ABHD6: variants seen among roughly 807,000 people sequenced by gnomAD.
The protein encoded by ABHD6 is abhydrolase domain containing 6, acylglycerol lipase.
In ABHD6, 33 loss-of-function variants were observed where a neutral mutation model predicts 38.8. The observed-to-expected ratio is 0.85, with a 90% CI of 0.64 to 1.14. The LOEUF (loss-of-function observed/expected upper bound fraction) is 1.14. Among genes scored for constraint, ABHD6 ranks in the 50% most tolerant of loss-of-function variants. The pLI is 0.00. For missense variants in ABHD6, 380 were observed against 422.6 expected, an observed-to-expected ratio of 0.90 and a Z score of 0.88; for synonymous variants, 147 against 161.6, an observed-to-expected ratio of 0.91 and a Z score of 0.69.
intron 3 of ABHD6, among the ~76,000 whole-genome samples, chr3:58,262,266 C>G (rs2107444230): frequency 6.6e-6 from 1 of 152,256 alleles, no homozygotes; most frequent in East Asian, 1.9e-4. Context: ...GGTAGTTTTA[C>G]AATGTTGTGT....
At chr3:58,268,264 C>A (rs937109888) in intron 4 of ABHD6, among the ~76,000 whole-genome samples, 11 of 152,160 alleles carry the variant, frequency 7.2e-5, no homozygotes, top group African/African-American at 2.7e-4. Context: ...TTTGAAAAGT[C>A]ATTTTTTTTG....
intron 1 of ABHD6, among the ~76,000 whole-genome samples, chr3:58,248,702 G>GA (rs1204657079): frequency 2.0e-5 from 3 of 150,484 alleles, no homozygotes; most frequent in Admixed American, 6.6e-5. Flanking sequence ...CTATCTCAAA[G>GA]AAAAAAAAAG....
At position 58,265,351 on chromosome 3, in the gene ABHD6, A is replaced by G. The variant is rs2097440218; in HGVS notation, c.120-1838A>G. On this transcript the variant is annotated intron_variant, in intron 3 of 9. Coordinates refer to ENST00000478253, the MANE Select transcript of ABHD6 (RefSeq NM_001320126.2). The surrounding 1 kb of genome is among the most constrained non-coding windows in gnomAD (Gnocchi z 4.2). ...GAATTAGGGTTTTAGCATGGTTGAG[A>G]TCAATTTGTAAGCTTTTTATTTATT... Among the ~76,000 whole-genome samples the G allele has an allele frequency of 6.6e-6, 1 of 152,146 alleles. No homozygotes were observed. Among genetic ancestry groups the G allele is most frequent in the African/African-American group, 2.4e-5 (1 of 41,418 alleles).
chr3:58,248,528 G>A lies in ABHD6; in HGVS notation c.-90-1350G>A, dbSNP rs564810758. Among the ~76,000 whole-genome samples, 15 of 152,126 alleles carry A rather than the reference G, an allele frequency of 9.9e-5. No individual in the cohort carries two copies. In the East Asian group the frequency reaches 1.7e-3, roughly 18 times the overall value. On this transcript the variant is annotated intron_variant, in intron 1 of 9. Transcript: ENST00000478253. ...AGCCTGACCAACATGGAGAAACCCC[G>A]TCTCTACTAAAAATACAAAATTAGC... is the stretch of plus-strand genomic sequence containing the variant.
chr3:58,284,551 A>G (rs1479148279), intron 7 of ABHD6, among the ~76,000 whole-genome samples: 2 of 151,790 alleles, frequency 1.3e-5, no homozygotes, highest in African/African-American at 2.4e-5. Context: ...CCTGGGTTCA[A>G]GTGATTCTCC....
intron 7 of ABHD6, among the ~76,000 whole-genome samples, chr3:58,276,436 A>G (rs1181711921): frequency 6.6e-6 from 1 of 151,846 alleles, no homozygotes; most frequent in Non-Finnish European, 1.5e-5. Flanking sequence ...GTCTGTTCAT[A>G]TCCTTTGCCC....
chr3:58,256,106 C>T lies in ABHD6; in HGVS notation c.-25-456C>T, dbSNP rs1245777518. Reference sequence around the variant, plus strand: ...ACACACACACACACACACACACACACACATACACACACTACTTTTTCTCTC... The same window carrying T: ...ACACACACACACACACACACACACATACATACACACACTACTTTTTCTCTC... On this transcript the variant is annotated intron_variant, in intron 2 of 9. Coordinates refer to ENST00000478253, the MANE Select transcript of ABHD6 (RefSeq NM_001320126.2). This position sits in a 1 kb window ranked among gnomAD's most constrained non-coding sequence, Gnocchi z 4.3. Among the ~76,000 whole-genome samples the T allele has an allele frequency of 1.0e-4, 6 of 60,168 alleles. No individual in the cohort carries two copies. The highest frequency in any genetic ancestry group is 7.4e-4 in the Admixed American group (5 of 6,752). 39.5% of individuals were successfully genotyped at this position (60,168 alleles called of 152,430 possible).
In ABHD6 at chr3:58,273,894, G is replaced by GA. The variant is rs970579744; in HGVS notation, c.524-755dup. On this transcript the variant is annotated intron_variant, in intron 6 of 9. Transcript: ENST00000478253. The surrounding 1 kb of genome is among the most constrained non-coding windows in gnomAD (Gnocchi z 4.8). ...TATCCCAGAACTTAAAGTAAAAAAA[G>GA]AAAAAAAAATCTAATTATTTGGCTA... Among the ~76,000 whole-genome samples, 11 of 150,950 alleles carry GA rather than the reference G, an allele frequency of 7.3e-5. No individual in the cohort carries two copies. Among genetic ancestry groups the GA allele is most frequent in the East Asian group, 3.9e-4 (2 of 5,180 alleles).
At chr3:58,270,638 G>C (rs1436173149) in intron 5 of ABHD6, among the ~76,000 whole-genome samples, 1 of 152,038 alleles carries the variant, frequency 6.6e-6, no homozygotes, top group East Asian at 1.9e-4. Flanking sequence ...CTGCAGCCTG[G>C]GTGACAGAGT....
At chr3:58,283,322 A>G (rs1007562336) in intron 7 of ABHD6, among the ~76,000 whole-genome samples, 1 of 152,208 alleles carries the variant, frequency 6.6e-6, no homozygotes, top group Non-Finnish European at 1.5e-5. Context: ...TGAAAACACC[A>G]AGAGAAAAAT....
At chr3:58,286,942 T>C (rs1015552570) in intron 9 of ABHD6, among the ~76,000 whole-genome samples, 2 of 149,168 alleles carry the variant, frequency 1.3e-5, no homozygotes, top group Non-Finnish European at 3.0e-5. Flanking sequence ...CCTTCTATTC[T>C]TAAAAAAATT....
intron 2 of ABHD6, among the ~76,000 whole-genome samples, chr3:58,254,964 C>A (rs899696883): frequency 6.6e-6 from 1 of 151,972 alleles, no homozygotes; most frequent in Non-Finnish European, 1.5e-5. Flanking sequence ...GTGATCCTTC[C>A]ACCTCTGCCT....
intron 3 of ABHD6, among the ~76,000 whole-genome samples, chr3:58,261,750 T>G (rs2097437131): frequency 6.6e-6 from 1 of 152,130 alleles, no homozygotes; most frequent in Non-Finnish European, 1.5e-5. Context: ...TGCACTGCTG[T>G]TGGGAATGTA....
chr3:58,254,518 TG>T (rs2097431950), intron 2 of ABHD6, among the ~76,000 whole-genome samples: 1 of 152,234 alleles, frequency 6.6e-6, no homozygotes, highest in African/African-American at 2.4e-5. Context: ...GAGGTTATAC[TG>T]TGCTGCATTG....
chr3:58,292,221 G>C (rs113168397), intron 9 of ABHD6, among the ~76,000 whole-genome samples: 2 of 152,266 alleles, frequency 1.3e-5, no homozygotes, highest in East Asian at 1.9e-4. Context: ...CTGAGGCATC[G>C]TCTTACCTTA....
rs1209324022 is a variant in ABHD6, at chr3:58,293,101, C to T, written c.838-488C>T. On this transcript the variant is annotated intron_variant, in intron 9 of 9. Coordinates refer to ENST00000478253, the MANE Select transcript of ABHD6 (RefSeq NM_001320126.2). This position sits in a 1 kb window ranked among gnomAD's most constrained non-coding sequence, Gnocchi z 4.4. The stretch of plus-strand genomic sequence containing the variant: ...GCGCCCTCCTCTCTGCCCCTTCTCC[C>T]CACCATGCCACCCCCACTGCCCATG... Among the ~76,000 whole-genome samples the T allele has an allele frequency of 6.6e-6, 1 of 152,094 alleles. No homozygotes were observed. Among genetic ancestry groups the T allele is most frequent in the Non-Finnish European group, 1.5e-5 (1 of 68,014 alleles).
At position 58,269,382 on chromosome 3, in the gene ABHD6, G is replaced by A. The variant is rs200333190; in HGVS notation, c.338G>A (p.Arg113His). The change falls in exon 5 of 10, where the codon CGC becomes CAC. Residue 113 changes from arginine (R) to histidine (H), a missense_variant. Physicochemically the swap from Arg to His is conservative, Grantham distance 29. Transcript: ENST00000478253. The surrounding 1 kb of genome is among the most constrained non-coding windows in gnomAD (Gnocchi z 4.4). ...VDMPGHEGTT[R>H]SSLDDLSIDG... is the part of the protein sequence containing the mutation. ...ATGCCAGGACATGAGGGCACCACCC[G>A]CTCCTCCCTGGATGACCTGTCCATA... The A allele has an allele frequency of 5.6e-6, 9 of 1,613,814 alleles. No homozygotes were observed. The highest frequency in any genetic ancestry group is 1.3e-5 in the African/African-American group (1 of 74,914).
chr3:58,281,426 T>A (rs1460282220), intron 7 of ABHD6, among the ~76,000 whole-genome samples: 1 of 152,148 alleles, frequency 6.6e-6, no homozygotes, highest in Admixed American at 6.5e-5. Flanking sequence ...AATCTTCTTG[T>A]CTGCCAGTTG....
chr3:58,284,732 T>G (rs2097455724), intron 7 of ABHD6, among the ~76,000 whole-genome samples: 1 of 152,182 alleles, frequency 6.6e-6, no homozygotes, highest in Admixed American at 6.5e-5. Flanking sequence ...ATTACAGGCA[T>G]GAGCCACCAT....
Sources: allele counts gnomAD v4.1 joint callset (sites outside exome capture counted in the v4.1 genomes callset), GRCh38; gene constraint gnomAD v4.1.1; non-coding constraint Gnocchi (gnomAD v3.1); transcripts MANE v1.5; gene names NCBI Gene and HGNC (gene_info 2026-07-23, HGNC 2026-07-21).